Variants in ALS2 observed in about 807,000 individuals in gnomAD.
The protein encoded by ALS2 is alsin Rho guanine nucleotide exchange factor ALS2, also known as alsin.
ALS2 carries 117 observed loss-of-function variants against 203.4 expected under a neutral mutation model. The observed-to-expected ratio is 0.58, with a 90% confidence interval of 0.50 to 0.67. The LOEUF (loss-of-function observed/expected upper bound fraction) is 0.67. ALS2 is among the 30% of genes least tolerant of loss of function. ALS2 has a pLI of 0.00. For synonymous variants in ALS2, 718 were observed against 725.9 expected (o/e 0.99, Z 0.17); for missense variants, 1,715 against 1,989.4 (o/e 0.86, Z 2.62).
chr2:201,746,820 G>GAA, intron 8 of ALS2, 72 bp from the exon 9 acceptor site: 2 of 1,558,468 alleles, frequency 1.3e-6, no homozygotes, highest in Non-Finnish European at 1.8e-6. Context: ...CACAGGAACT[G>GAA]AAACGTTAGG....
intron 24 of ALS2, chr2:201,716,565 A>AAAAAAAAAAG (rs1559040191): frequency 6.7e-6 from 1 of 149,222 alleles, no homozygotes. Flanking sequence ...AAAAAAAAAA[A>AAAAAAAAAAG]TTAGCCAGGC....
chr2:201,708,097 A>AAAATACTT, intron 27 of ALS2, 106 bp from the exon 28 acceptor site: 2 of 1,069,652 alleles, frequency 1.9e-6, no homozygotes, highest in Non-Finnish European at 2.8e-6. Flanking sequence ...ATTATCAACT[A>AAAATACTT]AGTATTTTAG....
intron 8 of ALS2, 56 bp from the exon 9 acceptor site, chr2:201,746,804 C>G (rs534723941): frequency 4.4e-5 from 70 of 1,598,216 alleles, no homozygotes; most frequent in Non-Finnish European, 5.9e-5. Context: ...GAGAGAACTT[C>G]GGATCCACAG....
Position 201,732,642 on chromosome 2 carries a change from C to T in ALS2, c.2580+634G>A, listed in dbSNP as rs535219129. ...GGAGTCATTATAATTTTTCTAGAGC[C>T]TTTCAGGGTAGAAACAAAATGAAAT... On this transcript the variant is annotated intron_variant, in intron 13 of 33. Transcript: ENST00000264276. 3.9e-5 allele frequency among the ~76,000 whole-genome samples: 6 copies of T among 152,214 alleles called. No individual in the cohort carries two copies. In the South Asian group the frequency reaches 1.0e-3, roughly 26 times the overall value.
chr2:201,748,370 C>T (rs4560090), intron 8 of ALS2, among the ~76,000 whole-genome samples: 149,265 of 152,304 alleles, frequency 0.98, 73,206 homozygotes, highest in Middle Eastern at 1. Flanking sequence ...TCAAAACTAA[C>T]TCAAATCTCA....
rs1359312602 is a variant in ALS2 at position 201,726,866 on chromosome 2, T to C, written c.2980A>G (p.Thr994Ala). ...TLISSTPQEK[T>A]KWLRAISQAV... is the part of the protein sequence containing the mutation. ...TGGCTTATAGCTCGTAGCCACTTTG[T>C]CTAGGAGCAAAAAGTAACGTCAATA... Residue 994 changes from threonine to alanine, a missense_variant and splice_region_variant, in exon 18 of 34, where the codon ACA (threonine) becomes GCA (alanine). This residue lies in a region of ALS2 where 1,227 missense variants were observed against 1,413.5 expected (regional missense o/e 0.87). Transcript: ENST00000264276. The C allele has an allele frequency of 1.2e-6, 2 of 1,613,498 alleles. No homozygotes were observed. Among genetic ancestry groups the C allele is most frequent in the South Asian group, 1.1e-5 (1 of 90,998 alleles).
At chr2:201,767,831 G>A (rs968313541) in intron 2 of ALS2, among the ~76,000 whole-genome samples, 4 of 141,806 alleles carry the variant, frequency 2.8e-5, no homozygotes, top group African/African-American at 7.9e-5. Flanking sequence ...TCTTGCCACT[G>A]CACTCCAGCC....
At chr2:201,703,292 C>T (rs1689497869) in intron 33 of ALS2, among the ~76,000 whole-genome samples, 3 of 152,166 alleles carry the variant, frequency 2.0e-5, no homozygotes, top group Non-Finnish European at 4.4e-5. Flanking sequence ...ATTCTACCCT[C>T]CCTCCAAAAC....
chr2:201,746,515 G>T, intron 9 of ALS2, 51 bp downstream of exon 9: 3 of 1,599,332 alleles, frequency 1.9e-6, no homozygotes, highest in South Asian at 2.2e-5. Context: ...AAAAACAAAA[G>T]ACTTCTTATG....
intron 32 of ALS2, 33 bp downstream of exon 32, chr2:201,704,421 G>A (rs772339699): frequency 2.3e-5 from 37 of 1,612,716 alleles, no homozygotes; most frequent in Non-Finnish European, 3.1e-5. Context: ...TAAAAATAAC[G>A]ACTCACTAAT....
intron 14 of ALS2, 60 bp downstream of exon 14, chr2:201,728,992 A>C: frequency 6.2e-7 from 1 of 1,612,582 alleles, no homozygotes; most frequent in Non-Finnish European, 8.5e-7. Context: ...AAATTGTATC[A>C]ATTGTTATCG....
rs372898118 is a variant in ALS2 at position 201,756,844 on chromosome 2, G to T, written c.1471+558C>A. Among the ~76,000 whole-genome samples the T allele has an allele frequency of 3.3e-5, 5 of 152,320 alleles. No homozygotes were observed. The East Asian group carries it at 7.7e-4, about 24-fold the overall frequency. Reference sequence around the variant, plus strand: ...GAGTGGAACCTGAGAGTCTGCGTTTGTAACAAGTTCCCAGATGCTGCTGAT... The same window carrying T: ...GAGTGGAACCTGAGAGTCTGCGTTTTTAACAAGTTCCCAGATGCTGCTGAT... On this transcript the variant is annotated intron_variant, in intron 5 of 33. Coordinates refer to ENST00000264276, the MANE Select transcript of ALS2 (RefSeq NM_020919.4).
chr2:201,718,004 T>G, intron 24 of ALS2, 73 bp downstream of exon 24: 5 of 1,487,150 alleles, frequency 3.4e-6, no homozygotes, highest in Non-Finnish European at 4.6e-6. Flanking sequence ...TTTAAAATAT[T>G]AACCAGCTTT....
intron 6 of ALS2, among the ~76,000 whole-genome samples, chr2:201,754,008 CTTTT>C (rs775868773): frequency 2.0e-5 from 3 of 148,730 alleles, no homozygotes. Flanking sequence ...CTTTTTTTTT[CTTTT>C]CCTTTTTTTT....
In ALS2 at chr2:201,729,135, A is replaced by G. The variant is rs776474784; in HGVS notation, c.2629T>C (p.Cys877Arg). The G allele has an allele frequency of 1.2e-6, 2 of 1,613,972 alleles. No homozygotes were observed. The highest frequency in any genetic ancestry group is 1.7e-6 in the Non-Finnish European group (2 of 1,179,980). The change falls in exon 14 of 34, where the codon TGT becomes CGT. Residue 877 changes from cysteine (C) to arginine (R), a missense_variant. By Grantham distance (180) the Cys-to-Arg change is radical. This residue lies in a region of ALS2 where 1,227 missense variants were observed against 1,413.5 expected (regional missense o/e 0.87). Transcript: ENST00000264276. Reference sequence around the variant, plus strand: ...TTCCTGCCGAGATGGAGAGCAAGACACTCATAACAAGAACTGGAATCCTGC... The same window carrying G: ...TTCCTGCCGAGATGGAGAGCAAGACGCTCATAACAAGAACTGGAATCCTGC... Reference protein sequence around the residue: ...KLQDSSSCYECLALHLGRKRK... With the variant: ...KLQDSSSCYERLALHLGRKRK...
At position 201,733,265 on chromosome 2, in the gene ALS2, TG is replaced by T. The variant is rs1214927620; in HGVS notation, c.2580+10del. On this transcript the variant is annotated intron_variant, in intron 13 of 33. Coordinates refer to ENST00000264276, the MANE Select transcript of ALS2 (RefSeq NM_020919.4). ...TTCCAAATGTCCAAAGAGGTATACA[TG>T]GGAGCTTACCACTTCAAAACAAGTA... The T allele has an allele frequency of 3.7e-6, 6 of 1,613,396 alleles. No individual in the cohort carries two copies. Among genetic ancestry groups the T allele is most frequent in the Non-Finnish European group, 5.1e-6 (6 of 1,179,662 alleles).
Position 201,741,720 on chromosome 2 carries a change from A to G in ALS2, c.2305T>C (p.Leu769=). ...AGACTTGAATGCTTCAGGATGACCA[A>G]ACTCCTGGCTTCCTTTACCCCATGA... ...FLHGVKEARS[L]VILKHSSLFL... is the part of the protein sequence containing the mutation. The change falls in exon 11 of 34, where the codon TTG becomes CTG. Residue 769 remains leucine (L), a synonymous_variant. Transcript: ENST00000264276. The G allele has an allele frequency of 6.2e-7, 1 of 1,614,118 alleles. No homozygotes were observed. Among genetic ancestry groups the G allele is most frequent in the Non-Finnish European group, 8.5e-7 (1 of 1,180,024 alleles).
intron 1 of ALS2, among the ~76,000 whole-genome samples, chr2:201,780,407 C>T (rs1270213647): frequency 6.6e-6 from 1 of 152,238 alleles, no homozygotes; most frequent in East Asian, 1.9e-4. Context: ...GTCCACTCTT[C>T]AACGCGATTT....
At position 201,757,522 on chromosome 2, in the gene ALS2, C is replaced by T. The variant is rs1315793274; in HGVS notation, c.1351G>A (p.Glu451Lys). ...IGPEGLKDSR[E>K]EQVKQESMQG... is the part of the protein sequence containing the mutation. ...ATTGATTCCTGTTTAACCTGTTCTT[C>T]CCTGCTATCTTTCAAACCTTCGGGG... The change falls in exon 5 of 34, where the codon GAA becomes AAA. Residue 451 changes from glutamate to lysine, a missense_variant. Around this residue, in one of 3 missense-constraint regions of ALS2, gnomAD observed 476 missense variants for 539.3 expected, o/e 0.88. Transcript: ENST00000264276. 1.2e-6 allele frequency: 2 copies of T among 1,614,134 alleles called. No homozygotes were observed. Among genetic ancestry groups the T allele is most frequent in the Admixed American group, 1.7e-5 (1 of 60,014 alleles).
Sources: allele counts gnomAD v4.1 joint callset (sites outside exome capture counted in the v4.1 genomes callset), GRCh38; gene constraint gnomAD v4.1.1; regional missense constraint gnomAD v4.1.1; transcripts MANE v1.5; gene names NCBI Gene and HGNC (gene_info 2026-07-23, HGNC 2026-07-21).